The following GULP1 variants were observed in gnomAD, a reference collection of about 807,000 sequenced individuals.
The protein encoded by GULP1 is GULP PTB domain containing engulfment adaptor 1, also known as PTB domain-containing engulfment adapter protein 1.
GULP1 carries 19 observed loss-of-function variants against 40.9 expected under a neutral mutation model. The observed-to-expected ratio is 0.46, with a 90% CI of 0.32 to 0.68. GULP1 has a LOEUF of 0.68. Among genes scored for constraint, GULP1 ranks in the 30% least tolerant of loss-of-function variants. The pLI, the probability that GULP1 is intolerant of heterozygous loss-of-function variation, is 0.03. For missense variants in GULP1, 312 were observed against 362.2 expected (o/e 0.86, Z 1.12); for synonymous variants, 119 against 117.6 (o/e 1.01, Z -0.08).
At chr2:188,350,815 C>T (rs1477321010) in intron 1 of GULP1, among the ~76,000 whole-genome samples, 1 of 152,108 alleles carries the variant, frequency 6.6e-6, no homozygotes, top group Non-Finnish European at 1.5e-5. Context: ...AAATCATTCT[C>T]ATTTTGTAAC....
intron 1 of GULP1, among the ~76,000 whole-genome samples, chr2:188,322,845 C>T (rs2040187153): frequency 6.6e-6 from 1 of 152,034 alleles, no homozygotes; most frequent in African/African-American, 2.4e-5. Context: ...TCTTTTCTCC[C>T]AGTCTTAGGT....
intron 1 of GULP1, among the ~76,000 whole-genome samples, chr2:188,376,306 T>C (rs376696936): frequency 1.3e-5 from 2 of 152,256 alleles, no homozygotes; most frequent in African/African-American, 4.8e-5. Flanking sequence ...ATGACTTACT[T>C]GCTTTAATGC....
chr2:188,327,326 G>A (rs2040892969), intron 1 of GULP1, among the ~76,000 whole-genome samples: 1 of 152,140 alleles, frequency 6.6e-6, no homozygotes, highest in Non-Finnish European at 1.5e-5. Flanking sequence ...TTTGAATCTG[G>A]CAATAGATGG....
intron 4 of GULP1, among the ~76,000 whole-genome samples, chr2:188,485,514 G>C (rs1450610698): frequency 6.6e-6 from 1 of 151,864 alleles, no homozygotes; most frequent in African/African-American, 2.4e-5. Flanking sequence ...TGACCTCATA[G>C]TAGAGTTACT....
chr2:188,542,248 T>C (rs1447583622), intron 7 of GULP1: 5 of 152,188 alleles, frequency 3.3e-5, no homozygotes, highest in African/African-American at 7.2e-5. Context: ...AGGAAAAACA[T>C]GTAACCTCAA....
At chr2:188,421,339 G>A (rs898068306) in intron 2 of GULP1, among the ~76,000 whole-genome samples, 2 of 151,952 alleles carry the variant, frequency 1.3e-5, no homozygotes, top group Admixed American at 6.6e-5. Flanking sequence ...TATATGAATT[G>A]AAATTAATGG....
At chr2:188,474,633 A>T in intron 2 of GULP1, among the ~76,000 whole-genome samples, 1 of 152,104 alleles carries the variant, frequency 6.6e-6, no homozygotes, top group East Asian at 1.9e-4. Flanking sequence ...TGTTCCTTCT[A>T]CCTTTTCAGT....
intron 2 of GULP1, among the ~76,000 whole-genome samples, chr2:188,475,450 A>G (rs1559284493): frequency 6.6e-6 from 1 of 151,488 alleles, no homozygotes; most frequent in Non-Finnish European, 1.5e-5. Context: ...TTTATATTTT[A>G]TTTTTTTAAT....
At chr2:188,452,122 A>G (rs1168173693) in intron 2 of GULP1, among the ~76,000 whole-genome samples, 1 of 152,242 alleles carries the variant, frequency 6.6e-6, no homozygotes, top group Non-Finnish European at 1.5e-5. Flanking sequence ...AAAGGCAGGA[A>G]CCAACCAGTC....
intron 7 of GULP1, among the ~76,000 whole-genome samples, chr2:188,545,917 G>C (rs1217948228): frequency 6.6e-6 from 1 of 151,794 alleles, no homozygotes; most frequent in Non-Finnish European, 1.5e-5. Context: ...CCATTATTCA[G>C]AGAAAGCAGT....
intron 4 of GULP1, among the ~76,000 whole-genome samples, chr2:188,499,811 T>A (rs2063260108): frequency 6.6e-6 from 1 of 151,886 alleles, no homozygotes; most frequent in Non-Finnish European, 1.5e-5. Flanking sequence ...CAGGTAGTAT[T>A]TTTATTATTA....
At position 188,423,654 on chromosome 2, in the gene GULP1, A is replaced by G. The variant is rs1272416473; in HGVS notation, c.-45+39765A>G. Among the ~76,000 whole-genome samples the G allele has an allele frequency of 2.0e-5, 3 of 151,688 alleles. No homozygotes were observed. The East Asian group carries it at 5.8e-4, about 29-fold the overall frequency. On this transcript the variant is annotated intron_variant, in intron 2 of 11. Coordinates refer to ENST00000409830, the MANE Select transcript of GULP1 (RefSeq NM_016315.4). ...AATCAGTATTTTCTAGCTCTTTCTA[A>G]TTTTAGTAACTTATGAATATAAAGG...
intron 2 of GULP1, among the ~76,000 whole-genome samples, chr2:188,451,777 T>A (rs10931360): frequency 0.97 from 146,389 of 150,562 alleles, 71,118 homozygotes; most frequent in Non-Finnish European, 1. Context: ...ACTAGGAAAA[T>A]AAAAAAGAAT....
At chr2:188,491,958 A>T (rs900346870) in intron 4 of GULP1, among the ~76,000 whole-genome samples, 3 of 151,676 alleles carry the variant, frequency 2.0e-5, no homozygotes, top group Non-Finnish European at 4.4e-5. Flanking sequence ...TGTATCATCT[A>T]TTTTTTTTCC....
chr2:188,336,294 A>G (rs533709532), intron 1 of GULP1, among the ~76,000 whole-genome samples: 7 of 152,178 alleles, frequency 4.6e-5, no homozygotes, highest in Non-Finnish European at 8.8e-5. Flanking sequence ...TTTGATCACT[A>G]ATTTACTGTG....
intron 4 of GULP1, among the ~76,000 whole-genome samples, chr2:188,504,781 T>C (rs555472241): frequency 6.6e-6 from 1 of 151,924 alleles, no homozygotes; most frequent in Non-Finnish European, 1.5e-5. Flanking sequence ...TTATTTCAGC[T>C]AATCAACAGT....
At chr2:188,458,440 T>G (rs2059440566) in intron 2 of GULP1, among the ~76,000 whole-genome samples, 1 of 152,172 alleles carries the variant, frequency 6.6e-6, no homozygotes, top group Admixed American at 6.5e-5. Flanking sequence ...ACTTCCTTTC[T>G]TCATTTCTTT....
chr2:188,325,982 G>T (rs747584111), intron 1 of GULP1, among the ~76,000 whole-genome samples: 1 of 152,012 alleles, frequency 6.6e-6, no homozygotes, highest in Non-Finnish European at 1.5e-5. Flanking sequence ...TATATTTTCC[G>T]TATCCTTAAA....
At chr2:188,422,123 A>G (rs2055517461) in intron 2 of GULP1, among the ~76,000 whole-genome samples, 1 of 142,226 alleles carries the variant, frequency 7.0e-6, no homozygotes, top group Non-Finnish European at 1.5e-5. Flanking sequence ...GACATAATCT[A>G]CCTTTTCATT....
Sources: gnomAD v4.1 joint callset for allele counts (sites outside exome capture counted in the v4.1 genomes callset) on GRCh38, gnomAD v4.1.1 for gene constraint, MANE v1.5 for transcripts, NCBI Gene and HGNC (gene_info 2026-07-23, HGNC 2026-07-21) for gene names.